The following LDB2 variants were observed in gnomAD, a reference collection of about 807,000 sequenced individuals.
LDB2 encodes LIM domain-binding protein 2.
In LDB2, 12 loss-of-function variants were observed where a neutral mutation model predicts 44.3. That is an observed-to-expected ratio of 0.27 (90% confidence interval 0.17 to 0.44). The LOEUF (loss-of-function observed/expected upper bound fraction) is 0.44, where lower values mean the gene tolerates loss of function less well. Ranked by LOEUF, LDB2 falls within the 20% of genes least tolerant of loss-of-function variation. The pLI is 1.00. For synonymous variants in LDB2, 164 were observed against 174.8 expected (o/e 0.94, Z 0.49); for missense variants, 344 against 473.5 (o/e 0.73, Z 2.54).
intron 5 of LDB2, among the ~76,000 whole-genome samples, chr4:16,524,843 A>C (rs956875710): frequency 6.6e-6 from 1 of 152,190 alleles, no homozygotes; most frequent in Non-Finnish European, 1.5e-5. Context: ...ACTGACCCCC[A>C]GCATAGGAAC....
intron 5 of LDB2, among the ~76,000 whole-genome samples, chr4:16,559,551 C>T (rs989809785): frequency 1.6e-4 from 24 of 152,152 alleles, no homozygotes; most frequent in African/African-American, 5.6e-4. Context: ...TACAGGAGCA[C>T]CCAGATTCAT....
chr4:16,855,701 T>C (rs539758958), intron 1 of LDB2, among the ~76,000 whole-genome samples: 1 of 152,298 alleles, frequency 6.6e-6, no homozygotes, highest in African/African-American at 2.4e-5. Flanking sequence ...TGTGACAGCT[T>C]CTTAACACTT....
chr4:16,887,835 A>G (rs1722201751), intron 1 of LDB2, among the ~76,000 whole-genome samples: 1 of 152,126 alleles, frequency 6.6e-6, no homozygotes, highest in Admixed American at 6.5e-5. Context: ...GTATAGGACA[A>G]TGTATGTAAT....
At chr4:16,814,160 G>A (rs1393255365) in intron 1 of LDB2, among the ~76,000 whole-genome samples, 3 of 152,138 alleles carry the variant, frequency 2.0e-5, no homozygotes, top group East Asian at 1.9e-4. Flanking sequence ...GTGAGCCACC[G>A]CACCCGGCCA....
At chr4:16,600,794 G>A (rs1722364624) in intron 2 of LDB2, among the ~76,000 whole-genome samples, 1 of 151,914 alleles carries the variant, frequency 6.6e-6, no homozygotes, top group Non-Finnish European at 1.5e-5. Context: ...TTTCTTGTAG[G>A]TATTACTTGT....
At chr4:16,831,388 G>A (rs1288699106) in intron 1 of LDB2, among the ~76,000 whole-genome samples, 5 of 151,972 alleles carry the variant, frequency 3.3e-5, no homozygotes, top group South Asian at 2.1e-4. Flanking sequence ...AAAAGCCATC[G>A]GAGGGTTTTG....
At chr4:16,635,736 T>C (rs1043426344) in intron 2 of LDB2, among the ~76,000 whole-genome samples, 1 of 152,208 alleles carries the variant, frequency 6.6e-6, no homozygotes, top group Non-Finnish European at 1.5e-5. Context: ...CACCTGACTC[T>C]TTTTGTGCAG....
intron 2 of LDB2, among the ~76,000 whole-genome samples, chr4:16,670,756 G>A (rs1744513946): frequency 6.6e-6 from 1 of 152,174 alleles, no homozygotes. Flanking sequence ...GTACTTGCCT[G>A]AAAAAGGTTT....
At chr4:16,822,764 C>T (rs1190478052) in intron 1 of LDB2, among the ~76,000 whole-genome samples, 5 of 152,204 alleles carry the variant, frequency 3.3e-5, no homozygotes, top group African/African-American at 9.7e-5. Context: ...GATCCACCCG[C>T]CTCAGCCTCC....
chr4:16,750,409 C>G (rs894084126), intron 2 of LDB2, among the ~76,000 whole-genome samples: 1 of 152,332 alleles, frequency 6.6e-6, no homozygotes, highest in Non-Finnish European at 1.5e-5. Flanking sequence ...GGTAGAAGGC[C>G]TGCAATGCAG....
chr4:16,675,482 G>GAAAT (rs968706975), intron 2 of LDB2, among the ~76,000 whole-genome samples: 2 of 151,068 alleles, frequency 1.3e-5, no homozygotes, highest in Non-Finnish European at 2.9e-5. Context: ...AAGAAAGAAA[G>GAAAT]AAACAGAAAG....
At chr4:16,830,475 C>T (rs1783861210) in intron 1 of LDB2, among the ~76,000 whole-genome samples, 1 of 152,164 alleles carries the variant, frequency 6.6e-6, no homozygotes, top group South Asian at 2.1e-4. Context: ...TATAAATTAC[C>T]CAGTCTCAGG....
intron 1 of LDB2, among the ~76,000 whole-genome samples, chr4:16,890,637 G>A (rs561891996): frequency 6.6e-6 from 1 of 152,282 alleles, no homozygotes; most frequent in East Asian, 1.9e-4. Context: ...ACCATACAGT[G>A]AAAAGTCAGA....
At chr4:16,612,770 AAT>A (rs1417953170) in intron 2 of LDB2, among the ~76,000 whole-genome samples, 1 of 152,204 alleles carries the variant, frequency 6.6e-6, no homozygotes, top group Non-Finnish European at 1.5e-5. Flanking sequence ...TTGTACCGGA[AAT>A]ACAAAGAGGA....
At chr4:16,672,978 T>C (rs1745298076) in intron 2 of LDB2, among the ~76,000 whole-genome samples, 2 of 151,374 alleles carry the variant, frequency 1.3e-5, no homozygotes, top group African/African-American at 4.9e-5. Flanking sequence ...CCCTCCATCC[T>C]TTCCTTCTTT....
At chr4:16,770,902 C>T (rs758595346) in intron 1 of LDB2, among the ~76,000 whole-genome samples, 7 of 152,176 alleles carry the variant, frequency 4.6e-5, no homozygotes, top group South Asian at 4.2e-4. Flanking sequence ...GTGAGCACCG[C>T]GCATCGTATT....
intron 5 of LDB2, among the ~76,000 whole-genome samples, chr4:16,527,855 T>A (rs1452727971): frequency 6.6e-6 from 1 of 152,178 alleles, no homozygotes; most frequent in African/African-American, 2.4e-5. Flanking sequence ...ATGTTAATTA[T>A]CTTTATTTCA....
At chr4:16,893,088 CATGTAGAGATCCTGAAAA>C (rs1200037219) in intron 1 of LDB2, 1 of 973,048 alleles carries the variant, frequency 1.0e-6, no homozygotes, top group East Asian at 1.1e-4. Flanking sequence ...TTTCTGAGGC[CATGTAGAGATCCTGAAAA>C]ATAAGAGAGT....
chr4:16,831,006 C>T (rs1037667251), intron 1 of LDB2, among the ~76,000 whole-genome samples: 2 of 152,080 alleles, frequency 1.3e-5, no homozygotes, highest in African/African-American at 2.4e-5. Context: ...TGCCTTTTCT[C>T]AGAAAGAGCT....
Sources: allele counts gnomAD v4.1 joint callset (sites outside exome capture counted in the v4.1 genomes callset), GRCh38; gene constraint gnomAD v4.1.1; transcripts MANE v1.5; gene names NCBI Gene and HGNC (gene_info 2026-07-23, HGNC 2026-07-21).